FBXO21: variants seen among roughly 807,000 people sequenced by gnomAD.
FBXO21 encodes the protein F-box protein 21.
FBXO21 carries 32 observed loss-of-function variants against 76.6 expected under a neutral mutation model. That is an observed-to-expected ratio of 0.42 (90% confidence interval 0.32 to 0.56). The LOEUF (loss-of-function observed/expected upper bound fraction) is 0.56, where lower values mean the gene tolerates loss of function less well. FBXO21 is among the 20% of genes least tolerant of loss of function. The probability of loss-of-function intolerance (pLI) is 0.16; values close to 1 mark genes in which losing one functional copy is unlikely to be tolerated. For missense variants in FBXO21, 586 were observed against 797.3 expected (o/e 0.73, Z 3.19); for synonymous variants, 328 against 311.5 (o/e 1.05, Z -0.56).
chr12:117,157,757 A>C, intron 10 of FBXO21, 116 bp downstream of exon 10: 1 of 849,354 alleles, frequency 1.2e-6, no homozygotes, highest in Non-Finnish European at 1.7e-6. Context: ...CACTCGGGGG[A>C]TAAGTGATCC....
Position 117,190,440 on chromosome 12 carries a change from A to ACTG in FBXO21, c.14_16dup (p.Ala5dup). ...CGGCACCACCTCCATCGCGCTGTCGACTGCTGCCGCCGCCATCTTGTCCGC... is the reference window on the plus strand; with the variant it reads ...CGGCACCACCTCCATCGCGCTGTCGACTGCTGCTGCCGCCGCCATCTTGTCCGC... On this transcript the variant is annotated inframe_insertion, in exon 1 of 12. Coordinates refer to ENST00000622495, the MANE Select transcript of FBXO21 (RefSeq NM_015002.3). 2.2e-6 allele frequency: 3 copies of ACTG among 1,391,182 alleles called. No homozygotes were observed. The highest frequency in any genetic ancestry group is 2.9e-6 in the Non-Finnish European group (3 of 1,043,552). The allele number at this position is 1,391,182 out of a possible 1,614,324, so 86.2% of individuals were successfully genotyped here.
intron 11 of FBXO21, among the ~76,000 whole-genome samples, chr12:117,147,833 G>C (rs555477588): frequency 1.3e-5 from 2 of 152,312 alleles, no homozygotes; most frequent in Admixed American, 6.5e-5. Flanking sequence ...AGCTGGGCTG[G>C]GCAGATCCTC....
At chr12:117,188,000 A>C (rs1188427270) in intron 2 of FBXO21, among the ~76,000 whole-genome samples, 1 of 152,260 alleles carries the variant, frequency 6.6e-6, no homozygotes, top group African/African-American at 2.4e-5. Flanking sequence ...AAATTTGTCC[A>C]AAGTTCAAAT....
chr12:117,165,763 T>C lies in FBXO21; in HGVS notation c.1194-146A>G, dbSNP rs915908367. 63 of 724,292 alleles carry C rather than the reference T, an allele frequency of 8.7e-5. 1 individual carries two copies. The South Asian group carries it at 1.8e-3, about 20-fold the overall frequency. 44.9% of individuals were successfully genotyped at this position (724,292 alleles called of 1,614,324 possible). On this transcript the variant is annotated intron_variant, in intron 8 of 11. Transcript: ENST00000622495. ...ATTTCTTCTCAGCTCAACGAAGAGA[T>C]ACAATGCTCTTAAGAAAAAAAAAAT... is the stretch of plus-strand genomic sequence containing the variant.
At chr12:117,186,437 T>G (rs1450998220) in intron 3 of FBXO21, 40 bp downstream of exon 3, 1 of 1,339,934 alleles carries the variant, frequency 7.5e-7, no homozygotes, top group East Asian at 2.3e-5. Context: ...TACTCTGGAC[T>G]TATTAAAGCA....
At chr12:117,179,050 G>GA (rs1956203897) in intron 3 of FBXO21, among the ~76,000 whole-genome samples, 1 of 152,202 alleles carries the variant, frequency 6.6e-6, no homozygotes, top group Non-Finnish European at 1.5e-5. Flanking sequence ...AAGCAGGAGA[G>GA]AGACAGTGAT....
intron 9 of FBXO21, among the ~76,000 whole-genome samples, chr12:117,162,704 G>A (rs1251739042): frequency 6.6e-6 from 1 of 152,096 alleles, no homozygotes; most frequent in Non-Finnish European, 1.5e-5. Flanking sequence ...CCTTTCACTT[G>A]ATAAACTCAA....
rs995536284 is a variant in FBXO21 at position 117,145,055 on chromosome 12, T to A, written c.*1032A>T. ...ACAAGAGGTGTGAAACCACTTTTTT[T>A]CCCTTCAAAACCTTTTTTTTTTTTT... On this transcript the variant is annotated 3_prime_UTR_variant, in exon 12 of 12. Transcript: ENST00000622495. The A allele has an allele frequency of 1.2e-4, 17 of 145,006 alleles. No homozygotes were observed. The highest frequency in any genetic ancestry group is 2.0e-4 in the Non-Finnish European group (13 of 66,478). The allele number at this position is 145,006 out of a possible 1,614,324, so 9.0% of individuals were successfully genotyped here.
chr12:117,150,959 TG>T (rs57596000), intron 11 of FBXO21, among the ~76,000 whole-genome samples: 10,261 of 38,686 alleles, frequency 0.27, 831 homozygotes, highest in Admixed American at 0.43. Flanking sequence ...AATAAGTTTG[TG>T]TGTGTGTGTG....
intron 3 of FBXO21, among the ~76,000 whole-genome samples, chr12:117,180,296 T>C (rs891383518): frequency 1.3e-5 from 2 of 152,238 alleles, no homozygotes; most frequent in African/African-American, 4.8e-5. Context: ...TTATTATTTC[T>C]AGATCTTTTC....
At chr12:117,153,289 C>T (rs747134864) in intron 11 of FBXO21, among the ~76,000 whole-genome samples, 1 of 152,054 alleles carries the variant, frequency 6.6e-6, no homozygotes, top group Non-Finnish European at 1.5e-5. Flanking sequence ...GGGAGAAGAG[C>T]AAGACACGGC....
rs565325705 is a variant in FBXO21, at chr12:117,167,366, T to C, written c.1014-289A>G. ...CAAGTTCAGCTAAGATAAAGATTTA[T>C]GGAATGCCTGAGGCAGTCTGTTAAT... is the stretch of plus-strand genomic sequence containing the variant. On this transcript the variant is annotated intron_variant, in intron 7 of 11. Coordinates refer to ENST00000622495, the MANE Select transcript of FBXO21 (RefSeq NM_015002.3). 3.3e-5 allele frequency among the ~76,000 whole-genome samples: 5 copies of C among 152,312 alleles called. No individual in the cohort carries two copies. In the East Asian group the frequency reaches 7.7e-4, roughly 24 times the overall value.
rs748302582 is a variant in FBXO21 at position 117,177,607 on chromosome 12, T to A, written c.505A>T (p.Ile169Phe). ...ALTWKYYAKK[I>F]LYYLRQQKIL... is the part of the protein sequence containing the mutation. Reference sequence around the variant, plus strand: ...TTCTGTTGCCGCAGGTAGTAAAGAATTTTTTTTGCGTAGTATTTCCAGGTC... The same window carrying A: ...TTCTGTTGCCGCAGGTAGTAAAGAAATTTTTTTGCGTAGTATTTCCAGGTC... The change falls in exon 4 of 12, where the codon ATT (isoleucine) becomes TTT (phenylalanine). Residue 169 changes from isoleucine to phenylalanine, a missense_variant. By Grantham distance (21) the Ile-to-Phe change is conservative. Transcript: ENST00000622495. 3.1e-6 allele frequency: 5 copies of A among 1,611,636 alleles called. No homozygotes were observed. The highest frequency in any genetic ancestry group is 4.2e-6 in the Non-Finnish European group (5 of 1,178,278).
chr12:117,179,767 T>C (rs1017303677), intron 3 of FBXO21, among the ~76,000 whole-genome samples: 1 of 152,214 alleles, frequency 6.6e-6, no homozygotes, highest in South Asian at 2.1e-4. Flanking sequence ...GAAGTGGTGA[T>C]ATTAAAATTC....
intron 3 of FBXO21, among the ~76,000 whole-genome samples, chr12:117,182,233 C>T (rs1028169743): frequency 4.6e-5 from 7 of 152,208 alleles, no homozygotes; most frequent in African/African-American, 1.7e-4. Context: ...TTGGCTCACA[C>T]TTATAGTCCT....
At chr12:117,172,362 AT>A in intron 7 of FBXO21, 108 bp downstream of exon 7, 1 of 1,271,462 alleles carries the variant, frequency 7.9e-7, no homozygotes, top group Non-Finnish European at 1.1e-6. Flanking sequence ...CCCTAGTCCT[AT>A]TTTTAACCTG....
chr12:117,168,455 C>A (rs1266206304), intron 7 of FBXO21, among the ~76,000 whole-genome samples: 1 of 151,876 alleles, frequency 6.6e-6, no homozygotes, highest in Non-Finnish European at 1.5e-5. Context: ...ACCCAGGAAG[C>A]GGAGGTTGCA....
rs1184230864 is a variant in FBXO21 at position 117,143,525 on chromosome 12, T to A, written c.*2562A>T. On this transcript the variant is annotated 3_prime_UTR_variant, in exon 12 of 12. Coordinates refer to ENST00000622495, the MANE Select transcript of FBXO21 (RefSeq NM_015002.3). ...CATGAGCAGTTCTCATTTTACAACA[T>A]GTGTTTTAACATAATTCAGAAAGTG... is the stretch of plus-strand genomic sequence containing the variant. 6.6e-6 allele frequency: 1 copy of A among 152,224 alleles called. No homozygotes were observed. Among genetic ancestry groups the A allele is most frequent in the Non-Finnish European group, 1.5e-5 (1 of 68,044 alleles). The allele number at this position is 152,224 out of a possible 1,614,324, so 9.4% of individuals were successfully genotyped here.
chr12:117,157,823 G>T, intron 10 of FBXO21, 50 bp downstream of exon 10: 1 of 1,501,838 alleles, frequency 6.7e-7, no homozygotes, highest in Non-Finnish European at 9.0e-7. Flanking sequence ...GTGTGTCTCT[G>T]CAGCCCCTCT....
Sources: gnomAD v4.1 joint callset for allele counts (sites outside exome capture counted in the v4.1 genomes callset) on GRCh38, gnomAD v4.1.1 for gene constraint, MANE v1.5 for transcripts, NCBI Gene and HGNC (gene_info 2026-07-23, HGNC 2026-07-21) for gene names.